Variants in SLC8A1 observed in about 807,000 individuals in gnomAD.
SLC8A1 encodes solute carrier family 8 member A1, also known as sodium/calcium exchanger 1.
Under a neutral mutation model 68.3 loss-of-function variants are expected in SLC8A1, and 18 were observed. The observed-to-expected ratio is 0.26, with a 90% CI of 0.18 to 0.39. SLC8A1 has a LOEUF of 0.39. Ranked by LOEUF, SLC8A1 falls within the 10% of genes least tolerant of loss-of-function variation. The pLI is 1.00. For synonymous variants in SLC8A1, 475 were observed against 415.5 expected, an observed-to-expected ratio of 1.14 and a Z score of -1.74; for missense variants, 985 against 1,156.7, an observed-to-expected ratio of 0.85 and a Z score of 2.15.
intron 2 of SLC8A1, chr2:40,177,943 T>G: frequency 1.2e-6 from 1 of 862,326 alleles, no homozygotes; most frequent in Non-Finnish European, 1.9e-6. Flanking sequence ...GTTACTGTGA[T>G]GTTATGGAGG....
At chr2:40,240,873 C>T (rs985839143) in intron 2 of SLC8A1, among the ~76,000 whole-genome samples, 8 of 151,710 alleles carry the variant, frequency 5.3e-5, no homozygotes, top group African/African-American at 7.3e-5. Flanking sequence ...AATGATACCC[C>T]GACTCAAAAA....
intron 2 of SLC8A1, among the ~76,000 whole-genome samples, chr2:40,303,744 G>A (rs1426570378): frequency 6.6e-6 from 1 of 152,106 alleles, no homozygotes; most frequent in Non-Finnish European, 1.5e-5. Context: ...CTGAGCCACT[G>A]TCCTCCTTTC....
intron 2 of SLC8A1, among the ~76,000 whole-genome samples, chr2:40,378,529 T>C (rs923970130): frequency 4.6e-5 from 7 of 152,088 alleles, no homozygotes; most frequent in African/African-American, 1.7e-4. Flanking sequence ...AGTGCGAAGC[T>C]AGTGGAGAGT....
intron 2 of SLC8A1, among the ~76,000 whole-genome samples, chr2:40,332,465 G>T (rs1362968295): frequency 6.6e-6 from 1 of 152,054 alleles, no homozygotes; most frequent in Admixed American, 6.5e-5. Context: ...CCTTACTTAT[G>T]TATCTTTATC....
At chr2:40,178,059 T>C (rs987442978) in intron 2 of SLC8A1, among the ~76,000 whole-genome samples, 1 of 152,214 alleles carries the variant, frequency 6.6e-6, no homozygotes, top group African/African-American at 2.4e-5. Flanking sequence ...CTTTCACGAA[T>C]TATTCCCGCT....
chr2:40,320,046 A>G (rs2160237), intron 2 of SLC8A1, among the ~76,000 whole-genome samples: 78,800 of 151,888 alleles, frequency 0.52, 22,923 homozygotes, highest in African/African-American at 0.77. Flanking sequence ...GGGCACAACA[A>G]TTTAAGAGAT....
intron 2 of SLC8A1, among the ~76,000 whole-genome samples, chr2:40,417,454 C>T: frequency 6.6e-6 from 1 of 152,202 alleles, no homozygotes; most frequent in South Asian, 2.1e-4. Context: ...GCTCTCAAAG[C>T]AAGTGTTAGG....
intron 2 of SLC8A1, among the ~76,000 whole-genome samples, chr2:40,252,890 AAATTT>A: frequency 2.6e-5 from 2 of 76,422 alleles, no homozygotes. Context: ...ATTTTGAGCC[AAATTT>A]TATATGTATG....
At chr2:40,123,617 T>C (rs1366990497) in intron 7 of SLC8A1, among the ~76,000 whole-genome samples, 1 of 152,230 alleles carries the variant, frequency 6.6e-6, no homozygotes, top group Non-Finnish European at 1.5e-5. Context: ...TGGAATGAAC[T>C]TGCTTTTAAA....
At chr2:40,175,453 AAAC>A (rs2048305270) in intron 3 of SLC8A1, among the ~76,000 whole-genome samples, 172 bp from the exon 4 acceptor site, 1 of 152,166 alleles carries the variant, frequency 6.6e-6, no homozygotes, top group South Asian at 2.1e-4. Context: ...ATTTCTGAAT[AAAC>A]AATCCCAACT....
intron 2 of SLC8A1, among the ~76,000 whole-genome samples, chr2:40,249,161 TC>T (rs1219324561): frequency 3.9e-5 from 6 of 152,154 alleles, no homozygotes; most frequent in Admixed American, 3.9e-4. Context: ...TTTGTCGAAA[TC>T]TTAAATAGAA....
intron 1 of SLC8A1, among the ~76,000 whole-genome samples, chr2:40,447,826 A>G (rs1227800642): frequency 2.0e-5 from 3 of 152,178 alleles, no homozygotes; most frequent in Admixed American, 6.5e-5. Flanking sequence ...CCTGCAATGC[A>G]CTTGCCCTTG....
chr2:40,191,814 A>C (rs2051909309), intron 2 of SLC8A1, among the ~76,000 whole-genome samples: 1 of 152,180 alleles, frequency 6.6e-6, no homozygotes, highest in African/African-American at 2.4e-5. Context: ...GGGCTCAAAA[A>C]AGCGAATCTT....
intron 2 of SLC8A1, among the ~76,000 whole-genome samples, chr2:40,308,773 C>A (rs1483429913): frequency 6.6e-6 from 1 of 152,168 alleles, no homozygotes; most frequent in Non-Finnish European, 1.5e-5. Context: ...AGACACCTGG[C>A]TGATTAGCTC....
chr2:40,148,258 A>C (rs898682317), intron 6 of SLC8A1, among the ~76,000 whole-genome samples: 6 of 152,218 alleles, frequency 3.9e-5, no homozygotes, highest in Admixed American at 2.6e-4. Context: ...ATGCATCTTT[A>C]TGCAAATCCT....
intron 2 of SLC8A1, among the ~76,000 whole-genome samples, chr2:40,390,114 A>G (rs907704670): frequency 2.0e-5 from 3 of 152,106 alleles, no homozygotes; most frequent in African/African-American, 4.8e-5. Context: ...ACATTTTACT[A>G]GAAAATCTGG....
intron 1 of SLC8A1, among the ~76,000 whole-genome samples, chr2:40,448,858 A>G (rs1701918885): frequency 6.6e-6 from 1 of 152,204 alleles, no homozygotes; most frequent in South Asian, 2.1e-4. Flanking sequence ...AGGGACCAGG[A>G]AGAGTAGAGA....
intron 2 of SLC8A1, among the ~76,000 whole-genome samples, chr2:40,287,805 G>A (rs1423992705): frequency 6.6e-6 from 1 of 151,830 alleles, no homozygotes; most frequent in African/African-American, 2.4e-5. Flanking sequence ...GAGGAAGCGT[G>A]GGAACTGAAG....
intron 6 of SLC8A1, among the ~76,000 whole-genome samples, chr2:40,148,216 A>G (rs1046184163): frequency 1.3e-5 from 2 of 152,224 alleles, no homozygotes; most frequent in Non-Finnish European, 2.9e-5. Context: ...GGCTGGCTCA[A>G]TTTTATTCTT....
Sources: allele counts gnomAD v4.1 joint callset (sites outside exome capture counted in the v4.1 genomes callset), GRCh38; gene constraint gnomAD v4.1.1; transcripts MANE v1.5; gene names NCBI Gene and HGNC (gene_info 2026-07-23, HGNC 2026-07-21).